The following PARD3 variants were observed in gnomAD, a reference collection of about 807,000 sequenced individuals.
PARD3 encodes the protein partitioning defective 3 homolog.
A neutral mutation model predicts 155.4 loss-of-function variants in PARD3; 75 were observed. The observed-to-expected ratio is 0.48, with a 90% confidence interval of 0.40 to 0.58. The LOEUF (loss-of-function observed/expected upper bound fraction) is 0.58. Ranked by LOEUF, PARD3 falls within the 20% of genes least tolerant of loss-of-function variation. The pLI is 0.00. For synonymous variants in PARD3, 576 were observed against 610.5 expected, an observed-to-expected ratio of 0.94 and a Z score of 0.83; for missense variants, 1,642 against 1,721.7, an observed-to-expected ratio of 0.95 and a Z score of 0.82.
intron 1 of PARD3, among the ~76,000 whole-genome samples, chr10:34,751,003 T>C (rs1194525500): frequency 6.6e-6 from 1 of 152,108 alleles, no homozygotes; most frequent in Non-Finnish European, 1.5e-5. Context: ...TAAGAATATG[T>C]TTTATTTACA....
intron 22 of PARD3, among the ~76,000 whole-genome samples, chr10:34,204,907 A>T (rs1951397686): frequency 6.6e-6 from 1 of 152,206 alleles, no homozygotes; most frequent in African/African-American, 2.4e-5. Context: ...TAATTTTTAT[A>T]ATCATATTAA....
chr10:34,732,989 AGT>A (rs2094846420), intron 1 of PARD3, among the ~76,000 whole-genome samples: 1 of 152,100 alleles, frequency 6.6e-6, no homozygotes, highest in South Asian at 2.1e-4. Flanking sequence ...ACTCCAGTCT[AGT>A]GTCTCTTCCC....
chr10:34,619,011 G>A (rs1268640792), intron 2 of PARD3, among the ~76,000 whole-genome samples: 2 of 150,772 alleles, frequency 1.3e-5, no homozygotes, highest in Non-Finnish European at 2.9e-5. Context: ...CTCACTGGAT[G>A]CTCTAGAGTT....
intron 22 of PARD3, among the ~76,000 whole-genome samples, chr10:34,165,435 GA>G (rs1411008857): frequency 2.6e-5 from 4 of 152,298 alleles, no homozygotes; most frequent in Admixed American, 6.5e-5. Context: ...TTAAGAGCCA[GA>G]ACCATGTGTT....
At chr10:34,305,443 A>C (rs1957356418) in intron 20 of PARD3, among the ~76,000 whole-genome samples, 1 of 152,264 alleles carries the variant, frequency 6.6e-6, no homozygotes, top group African/African-American at 2.4e-5. Context: ...GCAGCTGCCC[A>C]CAAAGCTTGT....
chr10:34,398,256 AAGTACTACCATTGTTCAAATACTCATTT>A, intron 7 of PARD3, among the ~76,000 whole-genome samples: 1 of 152,264 alleles, frequency 6.6e-6, no homozygotes, highest in Non-Finnish European at 1.5e-5. Context: ...AGTAACAAGA[AAGTACTACCATTGTTCAAATACTCATTT>A]AAAAAAATAA....
At chr10:34,391,791 A>G (rs1309818953) in intron 7 of PARD3, among the ~76,000 whole-genome samples, 2 of 152,244 alleles carry the variant, frequency 1.3e-5, no homozygotes, top group African/African-American at 4.8e-5. Context: ...TGCAAATAAT[A>G]ATACTTATGA....
intron 20 of PARD3, among the ~76,000 whole-genome samples, chr10:34,292,722 AT>A (rs950140340): frequency 1.6e-4 from 24 of 150,286 alleles, no homozygotes; most frequent in East Asian, 2.0e-4. Flanking sequence ...TATTATTATT[AT>A]TTTTTTTTTT....
At chr10:34,170,565 G>A (rs1396955377) in intron 22 of PARD3, among the ~76,000 whole-genome samples, 1 of 152,196 alleles carries the variant, frequency 6.6e-6, no homozygotes, top group African/African-American at 2.4e-5. Flanking sequence ...AGCATAGAGT[G>A]TGTGGGAAGC....
At chr10:34,704,233 A>T (rs2094329530) in intron 1 of PARD3, among the ~76,000 whole-genome samples, 1 of 152,248 alleles carries the variant, frequency 6.6e-6, no homozygotes, top group South Asian at 2.1e-4. Flanking sequence ...TTAGTTATAA[A>T]TGTACAGAAG....
chr10:34,404,762 C>T (rs765332961), intron 5 of PARD3, among the ~76,000 whole-genome samples: 3 of 151,990 alleles, frequency 2.0e-5, no homozygotes, highest in Non-Finnish European at 2.9e-5. Flanking sequence ...ATGTTTCTAT[C>T]CCTTCTTCTA....
intron 3 of PARD3, among the ~76,000 whole-genome samples, chr10:34,508,763 C>A (rs2081233186): frequency 6.6e-6 from 1 of 152,148 alleles, no homozygotes; most frequent in Non-Finnish European, 1.5e-5. Flanking sequence ...GTGTCCCATT[C>A]CAGAATACAT....
At chr10:34,674,699 C>G (rs988905307) in intron 2 of PARD3, among the ~76,000 whole-genome samples, 44 of 151,984 alleles carry the variant, frequency 2.9e-4, no homozygotes, top group African/African-American at 1.1e-3. Context: ...GTTGGCCAGG[C>G]TGGTCTCGAA....
chr10:34,253,423 A>T (rs1258900256), intron 22 of PARD3, among the ~76,000 whole-genome samples: 1 of 152,240 alleles, frequency 6.6e-6, no homozygotes, highest in Non-Finnish European at 1.5e-5. Flanking sequence ...ACTATATTAA[A>T]GACATTGATA....
intron 22 of PARD3, among the ~76,000 whole-genome samples, chr10:34,154,732 TTCCCC>T (rs1328703687): frequency 1.3e-5 from 2 of 152,168 alleles, no homozygotes; most frequent in Non-Finnish European, 2.9e-5. Context: ...CATCCATCCC[TTCCCC>T]TCCCCTGCAA....
At chr10:34,415,672 G>A (rs952617623) in intron 5 of PARD3, among the ~76,000 whole-genome samples, 9 of 152,156 alleles carry the variant, frequency 5.9e-5, no homozygotes, top group Admixed American at 2.0e-4. Context: ...TCTGCTCACC[G>A]GTATGGCACC....
At chr10:34,600,962 A>AC (rs2089712329) in intron 2 of PARD3, among the ~76,000 whole-genome samples, 1 of 90,066 alleles carries the variant, frequency 1.1e-5, no homozygotes, top group African/African-American at 4.5e-5. Flanking sequence ...CATTTTTTTA[A>AC]TTTTTTTTTT....
chr10:34,188,902 C>G (rs894620072), intron 22 of PARD3, among the ~76,000 whole-genome samples: 1 of 152,160 alleles, frequency 6.6e-6, no homozygotes, highest in African/African-American at 2.4e-5. Flanking sequence ...AGCATGGACT[C>G]TGCAACCTGG....
intron 2 of PARD3, among the ~76,000 whole-genome samples, chr10:34,549,938 G>A (rs1225006624): frequency 6.6e-6 from 1 of 152,022 alleles, no homozygotes. Flanking sequence ...GGCCCAGAGA[G>A]CTGGACAAGC....
Sources: gnomAD v4.1 joint callset for allele counts (sites outside exome capture counted in the v4.1 genomes callset) on GRCh38, gnomAD v4.1.1 for gene constraint, MANE v1.5 for transcripts, NCBI Gene and HGNC (gene_info 2026-07-23, HGNC 2026-07-21) for gene names.